Variants in KIF16B observed in about 807,000 individuals in gnomAD.
The protein encoded by KIF16B is kinesin family member 16B.
Under a neutral mutation model 156.3 loss-of-function variants are expected in KIF16B, and 98 were observed. The ratio of observed to expected loss-of-function variants is 0.63; its 90% CI spans 0.53 to 0.74. The LOEUF is 0.74. Among genes scored for constraint, KIF16B ranks in the 30% least tolerant of loss-of-function variants. The pLI, the probability that KIF16B is intolerant of heterozygous loss-of-function variation, is 0.00. For synonymous variants in KIF16B, 564 were observed against 583.7 expected (o/e 0.97, Z 0.49); for missense variants, 1,421 against 1,606.5 (o/e 0.88, Z 1.97).
At chr20:16,328,194 T>C (rs1317672445) in intron 24 of KIF16B, among the ~76,000 whole-genome samples, 1 of 152,174 alleles carries the variant, frequency 6.6e-6, no homozygotes, top group East Asian at 1.9e-4. Flanking sequence ...ACCCAGAGAA[T>C]GCCAGATGTG....
intron 24 of KIF16B, among the ~76,000 whole-genome samples, chr20:16,313,304 C>A (rs2063648946): frequency 6.6e-6 from 1 of 152,144 alleles, no homozygotes; most frequent in Non-Finnish European, 1.5e-5. Flanking sequence ...ATGTAGGGCA[C>A]AATATGTCAC....
At chr20:16,282,150 G>A (rs2063156535) in intron 25 of KIF16B, among the ~76,000 whole-genome samples, 1 of 151,290 alleles carries the variant, frequency 6.6e-6, no homozygotes, top group Non-Finnish European at 1.5e-5. Flanking sequence ...TCCTGCCTCG[G>A]CCTCCTGAGT....
At chr20:16,367,430 A>G in intron 22 of KIF16B, 1 of 1,612,880 alleles carries the variant, frequency 6.2e-7, no homozygotes, top group Non-Finnish European at 8.5e-7. Context: ...ATCACATCAA[A>G]TTGTGCACCC....
chr20:16,281,634 T>C (rs2063147747), intron 25 of KIF16B, among the ~76,000 whole-genome samples: 2 of 152,144 alleles, frequency 1.3e-5, no homozygotes, highest in Admixed American at 1.3e-4. Flanking sequence ...TCCAACATGC[T>C]CCCAAATGTG....
intron 24 of KIF16B, among the ~76,000 whole-genome samples, chr20:16,327,143 G>T (rs2063868174): frequency 6.7e-6 from 1 of 150,264 alleles, no homozygotes; most frequent in African/African-American, 2.5e-5. Flanking sequence ...CAAGATAATG[G>T]CATTTGCAGC....
At chr20:16,445,395 C>A (rs369692268) in intron 12 of KIF16B, among the ~76,000 whole-genome samples, 6 of 144,374 alleles carry the variant, frequency 4.2e-5, no homozygotes, top group African/African-American at 1.6e-4. Context: ...CTTATTTATT[C>A]ATTTGTATTC....
intron 22 of KIF16B, chr20:16,367,446 A>C: frequency 6.2e-7 from 1 of 1,612,806 alleles, no homozygotes; most frequent in Non-Finnish European, 8.5e-7. Context: ...CACCCGGAGG[A>C]GGTATGTTTC....
chr20:16,379,258 T>A lies in KIF16B; in HGVS notation c.2744A>T (p.Asn915Ile). The change falls in exon 19 of 26, where the codon AAT becomes ATT. Residue 915 changes from asparagine (N) to isoleucine (I), a missense_variant. Coordinates refer to ENST00000354981, the MANE Select transcript of KIF16B (RefSeq NM_024704.5). ...TTCTTCCAACAGAGTTGGCAAGTGA[T>A]TCTGCAGGAGGTACTGTAGCTGGCG... ...KERQLQYLLQNHLPTLLEEKQ... is the reference protein window; with the variant it reads ...KERQLQYLLQIHLPTLLEEKQ... 1 of 1,614,126 alleles carries A rather than the reference T, an allele frequency of 6.2e-7. No homozygotes were observed. The highest frequency in any genetic ancestry group is 8.5e-7 in the Non-Finnish European group (1 of 1,180,038).
At chr20:16,538,348 C>T (rs6044094) in intron 1 of KIF16B, among the ~76,000 whole-genome samples, 80,361 of 152,110 alleles carry the variant, frequency 0.53, 21,361 homozygotes, top group Non-Finnish European at 0.55. Flanking sequence ...CAAATAAATC[C>T]TGACATTCTT....
intron 25 of KIF16B, among the ~76,000 whole-genome samples, chr20:16,309,560 T>C (rs1486307110): frequency 6.6e-6 from 1 of 152,230 alleles, no homozygotes; most frequent in African/African-American, 2.4e-5. Flanking sequence ...ATGGTGTTTA[T>C]GTCTTTAACA....
Position 16,409,967 on chromosome 20 carries a change from A to ATATATATGTAGG in KIF16B, c.1613-3512_1613-3511insCCTACATATATA, listed in dbSNP as rs1555877397. Among the ~76,000 whole-genome samples, 31 of 30,116 alleles carry ATATATATGTAGG rather than the reference A, an allele frequency of 1.0e-3. 1 individual carries two copies. The highest frequency in any genetic ancestry group is 5.2e-3 in the South Asian group (4 of 764). The allele number at this position is 30,116 out of a possible 152,430, so 19.8% of individuals were successfully genotyped here. ...TACCTACATATATATATATATATATATACATATATATATATATATATATAT... is the reference window on the plus strand; with the variant it reads ...TACCTACATATATATATATATATATATATATATGTAGGTACATATATATATATATATATATAT... On this transcript the variant is annotated intron_variant, in intron 15 of 25. Coordinates refer to ENST00000354981, the MANE Select transcript of KIF16B (RefSeq NM_024704.5).
intron 12 of KIF16B, among the ~76,000 whole-genome samples, chr20:16,491,530 C>T (rs892006407): frequency 6.6e-6 from 1 of 152,162 alleles, no homozygotes; most frequent in Admixed American, 6.5e-5. Flanking sequence ...TTCAAAATAA[C>T]TCAGAACTTA....
intron 25 of KIF16B, among the ~76,000 whole-genome samples, chr20:16,289,242 T>C (rs2063277019): frequency 2.6e-5 from 4 of 152,208 alleles, no homozygotes. Flanking sequence ...CTACTGAATG[T>C]GTATCGCTTT....
chr20:16,526,496 CTCCACCTAAA>C (rs1363286976), intron 2 of KIF16B, among the ~76,000 whole-genome samples: 2 of 152,134 alleles, frequency 1.3e-5, no homozygotes, highest in African/African-American at 2.4e-5. Context: ...TTACTGTTCC[CTCCACCTAAA>C]TCCACCAGAG....
At chr20:16,366,991 A>C (rs980800056) in intron 22 of KIF16B, 22 of 1,317,022 alleles carry the variant, frequency 1.7e-5, no homozygotes, top group African/African-American at 1.5e-5. Context: ...GTAGATATTT[A>C]AAATATTTAC....
intron 22 of KIF16B, chr20:16,367,203 A>G: frequency 2.5e-6 from 4 of 1,612,020 alleles, no homozygotes; most frequent in Non-Finnish European, 3.4e-6. Flanking sequence ...AATTGAAAGT[A>G]AGTTTCCAGA....
At chr20:16,371,633 T>C (rs1286912028) in intron 21 of KIF16B, 32 bp downstream of exon 21, 3 of 1,315,348 alleles carry the variant, frequency 2.3e-6, no homozygotes, top group Non-Finnish European at 3.2e-6. Context: ...AACGAACTTG[T>C]TACTTCGTGT....
chr20:16,460,026 A>C (rs2067306013), intron 12 of KIF16B, among the ~76,000 whole-genome samples: 1 of 152,224 alleles, frequency 6.6e-6, no homozygotes. Context: ...GTGGGTAAAA[A>C]GGTAGTATCT....
At chr20:16,433,215 A>T (rs1031815036) in intron 12 of KIF16B, among the ~76,000 whole-genome samples, 1 of 152,146 alleles carries the variant, frequency 6.6e-6, no homozygotes, top group Non-Finnish European at 1.5e-5. Flanking sequence ...CTGAACTGTG[A>T]CCAAACTGCA....
Sources: allele counts gnomAD v4.1 joint callset (sites outside exome capture counted in the v4.1 genomes callset), GRCh38; gene constraint gnomAD v4.1.1; transcripts MANE v1.5; gene names NCBI Gene and HGNC (gene_info 2026-07-23, HGNC 2026-07-21).